Variants in CNTN4 observed in about 807,000 individuals in gnomAD.
CNTN4 encodes contactin-4.
In CNTN4, 77 loss-of-function variants were observed where a neutral mutation model predicts 122.5. That is an observed-to-expected ratio of 0.63 (90% confidence interval 0.52 to 0.76). The LOEUF is 0.76. Among genes scored for constraint, CNTN4 ranks in the 30% least tolerant of loss-of-function variants. CNTN4 has a pLI of 0.00. For synonymous variants in CNTN4, 512 were observed against 447.0 expected (o/e 1.15, Z -1.83); for missense variants, 1,256 against 1,259.1 (o/e 1.00, Z 0.04).
At chr3:2,902,066 G>C (rs1026923310) in intron 11 of CNTN4, among the ~76,000 whole-genome samples, 2 of 152,042 alleles carry the variant, frequency 1.3e-5, no homozygotes, top group African/African-American at 2.4e-5. Flanking sequence ...TAATGTGAGG[G>C]AACATGAATA....
chr3:2,637,261 C>G (rs568971566), intron 4 of CNTN4, among the ~76,000 whole-genome samples: 4 of 152,062 alleles, frequency 2.6e-5, no homozygotes, highest in Admixed American at 2.0e-4. Context: ...TTTACATACA[C>G]AAGGTGCTTA....
At chr3:2,492,684 TA>T (rs2076351175) in intron 3 of CNTN4, among the ~76,000 whole-genome samples, 1 of 152,214 alleles carries the variant, frequency 6.6e-6, no homozygotes, top group African/African-American at 2.4e-5. Flanking sequence ...CTTAGTTTTT[TA>T]TTTAATCTAT....
At chr3:2,961,231 C>CAAAAAAAAAACAAAAAAAAAAAAAA in intron 13 of CNTN4, among the ~76,000 whole-genome samples, 1 of 37,262 alleles carries the variant, frequency 2.7e-5, no homozygotes, top group Non-Finnish European at 5.0e-5. Flanking sequence ...CTCCATCTCA[C>CAAAAAAAAAACAAAAAAAAAAAAAA]AAAAAAAAAA....
intron 3 of CNTN4, among the ~76,000 whole-genome samples, chr3:2,436,269 A>T (rs890361723): frequency 2.6e-5 from 4 of 152,138 alleles, no homozygotes; most frequent in African/African-American, 4.8e-5. Flanking sequence ...GCTTATTATT[A>T]CTCAAGATGT....
rs144565135 is a variant in CNTN4 at position 2,384,901 on chromosome 3, A to G, written c.-89+45668A>G. 4.4e-3 allele frequency among the ~76,000 whole-genome samples: 663 copies of G among 151,898 alleles called. 4 individuals are homozygous for G. Among genetic ancestry groups the G allele is most frequent in the African/African-American group, 0.015 (638 of 41,366 alleles). On this transcript the variant is annotated intron_variant, in intron 3 of 24. Coordinates refer to ENST00000418658, the MANE Select transcript of CNTN4 (RefSeq NM_175607.3). ...TTCTTTTTTGTTAGTGCACTGCCTTAAGCAATATTCTTTTTTAAAACATTG... is the reference window on the plus strand; with the variant it reads ...TTCTTTTTTGTTAGTGCACTGCCTTGAGCAATATTCTTTTTTAAAACATTG...
intron 3 of CNTN4, among the ~76,000 whole-genome samples, chr3:2,340,710 T>TATATATATAGAGAGAGAGAGAGAG: frequency 7.1e-4 from 13 of 18,304 alleles, no homozygotes; most frequent in Admixed American, 1.2e-3. Flanking sequence ...TATATATATA[T>TATATATATAGAGAGAGAGAGAGAG]AGAGAGAGAG....
At chr3:2,962,786 A>G (rs2094875032) in intron 13 of CNTN4, among the ~76,000 whole-genome samples, 1 of 152,248 alleles carries the variant, frequency 6.6e-6, no homozygotes, top group African/African-American at 2.4e-5. Context: ...GAAAACGGGA[A>G]AATGGATACT....
intron 4 of CNTN4, among the ~76,000 whole-genome samples, chr3:2,647,245 G>T (rs182956169): frequency 2.6e-5 from 4 of 152,200 alleles, no homozygotes; most frequent in Non-Finnish European, 5.9e-5. Context: ...GCCAGGCATG[G>T]TTGTGGACGC....
intron 2 of CNTN4, among the ~76,000 whole-genome samples, chr3:2,277,226 T>C (rs1298893654): frequency 6.6e-6 from 1 of 152,190 alleles, no homozygotes; most frequent in Non-Finnish European, 1.5e-5. Context: ...TTTAAATACG[T>C]AATTTAATTG....
At chr3:2,301,612 T>G (rs1054239933) in intron 2 of CNTN4, among the ~76,000 whole-genome samples, 2 of 152,334 alleles carry the variant, frequency 1.3e-5, no homozygotes, top group African/African-American at 4.8e-5. Flanking sequence ...TGTAAGAAAT[T>G]TGATTATCAG....
In CNTN4 at chr3:2,771,243, ATTAAC is replaced by A. The variant is rs544758232; in HGVS notation, c.358+25551_358+25555del. Among the ~76,000 whole-genome samples, 807 of 152,356 alleles carry A rather than the reference ATTAAC, an allele frequency of 5.3e-3. 9 individuals are homozygous for A. Among genetic ancestry groups the A allele is most frequent in the Non-Finnish European group, 5.4e-3 (366 of 68,030 alleles). ...TCTTTGGTTGAAAAGCAGGTGAAGA[ATTAAC>A]TTAAGTTTAGAGCCACATTGCATGA... On this transcript the variant is annotated intron_variant, in intron 6 of 24. Coordinates refer to ENST00000418658, the MANE Select transcript of CNTN4 (RefSeq NM_175607.3).
At position 2,907,577 on chromosome 3, in the gene CNTN4, A is replaced by AAG. The variant is rs565456032; in HGVS notation, c.1207+4573_1207+4574insGA. ...GACAGAGTGAGACTGTCTCAAAAAA[A>AAG]AAAAAAAATTATCTCTTGATAATCT... On this transcript the variant is annotated intron_variant, in intron 12 of 24. Coordinates refer to ENST00000418658, the MANE Select transcript of CNTN4 (RefSeq NM_175607.3). 1.5e-4 allele frequency among the ~76,000 whole-genome samples: 23 copies of AAG among 152,094 alleles called. No individual in the cohort carries two copies. In the South Asian group the frequency reaches 4.6e-3, roughly 30 times the overall value.
intron 6 of CNTN4, among the ~76,000 whole-genome samples, chr3:2,806,127 T>C (rs2092462654): frequency 6.6e-6 from 1 of 152,114 alleles, no homozygotes; most frequent in Admixed American, 6.5e-5. Flanking sequence ...GGTGTCGATC[T>C]CCTGACCTCG....
intron 6 of CNTN4, among the ~76,000 whole-genome samples, chr3:2,799,747 A>T (rs754750185): frequency 1.1e-4 from 17 of 152,282 alleles, no homozygotes; most frequent in Non-Finnish European, 1.5e-4. Flanking sequence ...TTTTAATTTT[A>T]ATTTTTATGG....
chr3:3,005,542 G>A (rs574166413), intron 14 of CNTN4, among the ~76,000 whole-genome samples: 21 of 152,266 alleles, frequency 1.4e-4, no homozygotes, highest in East Asian at 5.8e-4. Context: ...TTTCCGCAGC[G>A]TAAGCAGAAA....
chr3:2,110,304 A>T (rs1398342879), intron 2 of CNTN4: 1 of 152,270 alleles, frequency 6.6e-6, no homozygotes, highest in African/African-American at 2.4e-5. Flanking sequence ...GGCTGTGAAC[A>T]TTAATGGTAT....
chr3:2,733,772 G>C (rs2088876168), intron 4 of CNTN4, among the ~76,000 whole-genome samples: 1 of 152,160 alleles, frequency 6.6e-6, no homozygotes, highest in Admixed American at 6.5e-5. Context: ...CTGACCTCAT[G>C]ATCCACCCAC....
At chr3:2,111,616 G>T (rs2032962451) in intron 2 of CNTN4, among the ~76,000 whole-genome samples, 1 of 152,058 alleles carries the variant, frequency 6.6e-6, no homozygotes. Flanking sequence ...TTCATATCCT[G>T]TCTCTACTAC....
chr3:2,209,089 A>G (rs2038491788), intron 2 of CNTN4, among the ~76,000 whole-genome samples: 1 of 152,150 alleles, frequency 6.6e-6, no homozygotes, highest in Admixed American at 6.6e-5. Flanking sequence ...GCTATAAGCA[A>G]TAGCCCCCCA....
Sources: allele counts gnomAD v4.1 joint callset (sites outside exome capture counted in the v4.1 genomes callset), GRCh38; gene constraint gnomAD v4.1.1; transcripts MANE v1.5; gene names NCBI Gene and HGNC (gene_info 2026-07-23, HGNC 2026-07-21).